USP32: variants seen among roughly 807,000 people sequenced by gnomAD.
USP32 encodes ubiquitin carboxyl-terminal hydrolase 32.
In USP32, 59 loss-of-function variants were observed where a neutral mutation model predicts 204.8. The ratio of observed to expected loss-of-function variants is 0.29; its 90% CI spans 0.23 to 0.36. The LOEUF (loss-of-function observed/expected upper bound fraction) is 0.36. USP32 is among the 10% of genes least tolerant of loss of function. The pLI is 1.00. For synonymous variants in USP32, 517 were observed against 678.4 expected (o/e 0.76, Z 3.70); for missense variants, 1,160 against 1,946.4 (o/e 0.60, Z 7.60).
intron 5 of USP32, among the ~76,000 whole-genome samples, chr17:60,275,814 C>G (rs1007222807): frequency 5.9e-5 from 9 of 151,526 alleles, no homozygotes; most frequent in African/African-American, 2.2e-4. Context: ...TAGGTTCTAG[C>G]GATTCTCCTG....
Position 60,190,657 on chromosome 17 carries a change from C to T in USP32, c.3548G>A (p.Cys1183Tyr). 5 of 1,602,442 alleles carry T rather than the reference C, an allele frequency of 3.1e-6. No individual in the cohort carries two copies. Among genetic ancestry groups the T allele is most frequent in the Non-Finnish European group, 4.2e-6 (5 of 1,176,850 alleles). Residue 1183 changes from cysteine to tyrosine, a missense_variant, in exon 29 of 34, where the codon TGT becomes TAT. Physicochemically the swap from Cys to Tyr is radical, Grantham distance 194. Around this residue, in one of 8 missense-constraint regions of USP32, gnomAD observed 160 missense variants for 322.5 expected, o/e 0.50. Coordinates refer to ENST00000300896, the MANE Select transcript of USP32 (RefSeq NM_032582.4). ...TCCAATGAAAGCTCTGTCTTCCCCA[C>T]AATCAATTTTACAGCCTCTGCAAAA... ...YRFCRGCKID[C>Y]GEDRAFIGNA...
intron 1 of USP32, among the ~76,000 whole-genome samples, chr17:60,401,325 G>C (rs866436342): frequency 6.6e-6 from 1 of 151,732 alleles, no homozygotes; most frequent in African/African-American, 2.4e-5. Flanking sequence ...AGCCGAGATC[G>C]CGCCACTGCA....
intron 1 of USP32, among the ~76,000 whole-genome samples, chr17:60,391,184 G>A (rs981503454): frequency 2.6e-5 from 4 of 152,234 alleles, no homozygotes; most frequent in Admixed American, 2.6e-4. Context: ...TGGGCATCAA[G>A]TGCAGTCAAA....
chr17:60,419,294 A>T (rs976824505), intron 1 of USP32, among the ~76,000 whole-genome samples: 3 of 152,220 alleles, frequency 2.0e-5, no homozygotes, highest in African/African-American at 7.2e-5. Flanking sequence ...GTTCTCACTT[A>T]TAAGTAGGAG....
chr17:60,377,525 A>G (rs2146104610), intron 1 of USP32, among the ~76,000 whole-genome samples: 1 of 152,306 alleles, frequency 6.6e-6, no homozygotes, highest in East Asian at 1.9e-4. Flanking sequence ...TAAAGATAGG[A>G]GGCATTTCTC....
intron 2 of USP32, among the ~76,000 whole-genome samples, chr17:60,312,428 C>T (rs186615588): frequency 4.2e-4 from 64 of 151,906 alleles, no homozygotes; most frequent in Non-Finnish European, 4.9e-4. Flanking sequence ...TTGTTGTTGT[C>T]GTTGTCGTTG....
At chr17:60,369,552 G>A (rs538826660) in intron 1 of USP32, among the ~76,000 whole-genome samples, 1 of 151,638 alleles carries the variant, frequency 6.6e-6, no homozygotes, top group Non-Finnish European at 1.5e-5. Flanking sequence ...ATATATGTAA[G>A]AGTAAAAATG....
At chr17:60,336,702 C>G (rs1453603040) in intron 2 of USP32, among the ~76,000 whole-genome samples, 1 of 127,490 alleles carries the variant, frequency 7.8e-6, no homozygotes, top group Non-Finnish European at 1.5e-5. Context: ...GGAGACAGAG[C>G]GAGACTCCAT....
At chr17:60,212,313 C>G (rs2084990659) in intron 18 of USP32, among the ~76,000 whole-genome samples, 1 of 152,184 alleles carries the variant, frequency 6.6e-6, no homozygotes, top group African/African-American at 2.4e-5. Context: ...TGTACCTACA[C>G]AAACCTAGGC....
intron 1 of USP32, among the ~76,000 whole-genome samples, chr17:60,401,877 C>A (rs2089938297): frequency 6.6e-6 from 1 of 152,060 alleles, no homozygotes. Context: ...AAGGGAGCAG[C>A]CAGTAGATAC....
chr17:60,353,723 AGAGT>A (rs2089006271), intron 1 of USP32, among the ~76,000 whole-genome samples: 2 of 152,234 alleles, frequency 1.3e-5, no homozygotes, highest in East Asian at 1.9e-4. Flanking sequence ...CCTGGGAGAC[AGAGT>A]GAGACTCTGT....
chr17:60,354,211 T>A (rs183313058), intron 1 of USP32, among the ~76,000 whole-genome samples: 4 of 152,382 alleles, frequency 2.6e-5, no homozygotes. Flanking sequence ...ATAACTTTTT[T>A]TCAAAGGTAA....
intron 30 of USP32, among the ~76,000 whole-genome samples, chr17:60,184,001 C>A (rs193118259): frequency 6.6e-6 from 1 of 151,970 alleles, no homozygotes; most frequent in Non-Finnish European, 1.5e-5. Flanking sequence ...AAGGTCTACC[C>A]GTCAGCCGGG....
At chr17:60,184,040 G>A (rs775700692) in intron 30 of USP32, among the ~76,000 whole-genome samples, 6 of 151,934 alleles carry the variant, frequency 3.9e-5, no homozygotes, top group African/African-American at 9.7e-5. Context: ...TAAACCCCGC[G>A]CTTTGGGAGG....
At chr17:60,289,416 T>C (rs1176155114) in intron 4 of USP32, among the ~76,000 whole-genome samples, 2 of 152,218 alleles carry the variant, frequency 1.3e-5, no homozygotes, top group African/African-American at 4.8e-5. Context: ...TAAATCTGTA[T>C]GGAATTAAAA....
intron 1 of USP32, among the ~76,000 whole-genome samples, chr17:60,355,853 G>GAAA (rs2089059794): frequency 1.3e-4 from 1 of 7,672 alleles, no homozygotes; most frequent in African/African-American, 7.3e-4. Context: ...AAAAGAGAGA[G>GAAA]AAAGAAAAAA....
At chr17:60,344,395 G>A (rs977083783) in intron 2 of USP32, among the ~76,000 whole-genome samples, 6 of 151,804 alleles carry the variant, frequency 4.0e-5, no homozygotes, top group Non-Finnish European at 7.4e-5. Flanking sequence ...CCCAAAGTGC[G>A]GGGATTACAG....
chr17:60,371,306 C>T (rs966793242), intron 1 of USP32, among the ~76,000 whole-genome samples: 2 of 148,192 alleles, frequency 1.3e-5, no homozygotes, highest in Non-Finnish European at 3.0e-5. Context: ...GTGGCTCACA[C>T]GTATAATCCC....
intron 11 of USP32, among the ~76,000 whole-genome samples, chr17:60,239,692 A>G (rs1193574829): frequency 6.6e-6 from 1 of 151,946 alleles, no homozygotes; most frequent in African/African-American, 2.4e-5. Context: ...TTGATACTCT[A>G]TTTGTACATA....
Sources: gnomAD v4.1 joint callset for allele counts (sites outside exome capture counted in the v4.1 genomes callset) on GRCh38, gnomAD v4.1.1 for gene constraint, gnomAD v4.1.1 regional missense constraint, MANE v1.5 for transcripts, NCBI Gene and HGNC (gene_info 2026-07-23, HGNC 2026-07-21) for gene names.